RWDD3: variants seen among roughly 807,000 people sequenced by gnomAD.
RWDD3 encodes the protein RWD domain containing 3.
RWDD3 carries 30 observed loss-of-function variants against 26.5 expected under a neutral mutation model. That is an observed-to-expected ratio of 1.13 (90% CI 0.85 to 1.54). RWDD3 has a LOEUF of 1.54. Ranked by LOEUF, RWDD3 falls within the 40% of genes most tolerant of loss-of-function variation. RWDD3 has a pLI of 0.00. For synonymous variants in RWDD3, 113 were observed against 114.5 expected (o/e 0.99, Z 0.09); for missense variants, 296 against 309.1 (o/e 0.96, Z 0.32).
intron 1 of RWDD3, among the ~76,000 whole-genome samples, chr1:95,237,062 A>G (rs1680391725): frequency 2.0e-5 from 3 of 152,238 alleles, no homozygotes; most frequent in African/African-American, 7.2e-5. Context: ...CAGTGTAACA[A>G]CTTAGGACAT....
At chr1:95,244,118 T>C in intron 1 of RWDD3, 93 bp from the exon 2 acceptor site, 1 of 1,511,300 alleles carries the variant, frequency 6.6e-7, no homozygotes, top group Admixed American at 2.2e-5. Context: ...TCATGAAAAA[T>C]AAATTGACAT....
In RWDD3 at chr1:95,246,834, G is replaced by A. The variant is rs778597049; in HGVS notation, c.768G>A (p.Lys256=). The A allele has an allele frequency of 3.2e-5, 49 of 1,554,858 alleles. No individual in the cohort carries two copies. Among genetic ancestry groups the A allele is most frequent in the Non-Finnish European group, 4.2e-5 (48 of 1,154,940 alleles). ...AATTTGAAACTGCAGGACTTAAGAA[G>A]CTTTTCTCCGAATTTGTACTTGCTC... ...QKEFETAGLK[K]LFSEFVLALV... Residue 256 remains lysine (K), a synonymous_variant, in exon 4 of 4, where the codon AAG becomes AAA. Transcript: ENST00000370202.
intron 1 of RWDD3, among the ~76,000 whole-genome samples, chr1:95,236,154 C>T (rs2101094267): frequency 6.6e-6 from 1 of 152,116 alleles, no homozygotes; most frequent in South Asian, 2.1e-4. Context: ...GGCGAAACCC[C>T]ATCTCTACTA....
chr1:95,244,282 T>C lies in RWDD3; in HGVS notation c.157T>C (p.Leu53=), dbSNP rs377674682. 789 of 1,614,210 alleles carry C rather than the reference T, an allele frequency of 4.9e-4. 9 individuals carry two copies. In the South Asian group the frequency reaches 8.1e-3, roughly 17 times the overall value. ...GFMDVDIPLE[L]VFHLPVNYPS... ...TATGGATGTGGATATACCTCTGGAATTGGTGTTCCATTTGCCAGTCAATTA... is the reference window on the plus strand; with the variant it reads ...TATGGATGTGGATATACCTCTGGAACTGGTGTTCCATTTGCCAGTCAATTA... The change falls in exon 2 of 4, where the codon TTG becomes CTG. Residue 53 remains leucine (L), a synonymous_variant. Transcript: ENST00000370202.
At chr1:95,238,528 A>G (rs1045138579) in intron 1 of RWDD3, among the ~76,000 whole-genome samples, 1 of 151,106 alleles carries the variant, frequency 6.6e-6, no homozygotes, top group African/African-American at 2.4e-5. Flanking sequence ...GCAAGAGGAG[A>G]CAGTCTTGTC....
At chr1:95,234,669 G>A (rs933783297) in intron 1 of RWDD3, among the ~76,000 whole-genome samples, 1 of 143,292 alleles carries the variant, frequency 7.0e-6, no homozygotes, top group Non-Finnish European at 1.5e-5. Context: ...TCGTTGTTCT[G>A]TGTCCTTCCT....
intron 1 of RWDD3, among the ~76,000 whole-genome samples, chr1:95,243,011 ATTC>A (rs1392887008): frequency 6.6e-6 from 1 of 152,218 alleles, no homozygotes; most frequent in Non-Finnish European, 1.5e-5. Flanking sequence ...GATTTGGAAA[ATTC>A]TTCTTATGAA....
chr1:95,245,270 C>T (rs552892101), intron 2 of RWDD3, among the ~76,000 whole-genome samples: 1 of 152,292 alleles, frequency 6.6e-6, no homozygotes, highest in Admixed American at 6.5e-5. Flanking sequence ...CCTGACTTGT[C>T]TCAGCAGTTG....
intron 1 of RWDD3, among the ~76,000 whole-genome samples, chr1:95,235,742 CT>C (rs1394297798): frequency 6.6e-6 from 1 of 152,142 alleles, no homozygotes; most frequent in East Asian, 1.9e-4. Flanking sequence ...TGCCTACAGA[CT>C]TTGTCAGGGT....
chr1:95,238,259 A>G (rs887379247), intron 1 of RWDD3, among the ~76,000 whole-genome samples: 21 of 152,226 alleles, frequency 1.4e-4, no homozygotes, highest in African/African-American at 4.8e-4. Context: ...AGCAACACTA[A>G]TGTTCAAATT....
At chr1:95,244,892 G>A (rs547327223) in intron 2 of RWDD3, 194 bp downstream of exon 2, 1 of 601,824 alleles carries the variant, frequency 1.7e-6, no homozygotes, top group Non-Finnish European at 2.7e-6. Context: ...AACTTGCAAA[G>A]CTTGAAGAAT....
At chr1:95,246,133 C>G (rs574696208) in intron 2 of RWDD3, 79 of 155,150 alleles carry the variant, frequency 5.1e-4, no homozygotes, top group Non-Finnish European at 9.6e-4. Context: ...CTTGTGCTCT[C>G]AAGTGTGCCA....
chr1:95,242,212 A>G (rs192959815), intron 1 of RWDD3, among the ~76,000 whole-genome samples: 1 of 152,374 alleles, frequency 6.6e-6, no homozygotes, highest in Admixed American at 6.5e-5. Flanking sequence ...AATTATATGT[A>G]CATGTATATG....
chr1:95,241,353 A>C (rs913228026), intron 1 of RWDD3, among the ~76,000 whole-genome samples: 7 of 151,982 alleles, frequency 4.6e-5, no homozygotes, highest in African/African-American at 1.7e-4. Flanking sequence ...TTGTCCCCCA[A>C]GTTCAATGGG....
intron 1 of RWDD3, chr1:95,243,355 G>T (rs1680713111): frequency 6.6e-6 from 1 of 152,204 alleles, no homozygotes; most frequent in South Asian, 2.1e-4. Context: ...CTCATGCAGG[G>T]GAATAAAGCA....
intron 1 of RWDD3, 36 bp downstream of exon 1, chr1:95,234,351 C>T (rs770449900): frequency 5.1e-5 from 79 of 1,550,414 alleles, no homozygotes; most frequent in Non-Finnish European, 6.3e-5. Context: ...AGGGCGCCCT[C>T]AGGGGCCACC....
chr1:95,245,406 C>T (rs2101124590), intron 2 of RWDD3, among the ~76,000 whole-genome samples: 1 of 152,222 alleles, frequency 6.6e-6, no homozygotes, highest in South Asian at 2.1e-4. Flanking sequence ...AGCTACAAAT[C>T]AATAGGTTTT....
chr1:95,239,266 G>A (rs1162003882), intron 1 of RWDD3, among the ~76,000 whole-genome samples: 1 of 152,134 alleles, frequency 6.6e-6, no homozygotes, highest in Non-Finnish European at 1.5e-5. Context: ...CTGTTTCTAA[G>A]CTGTTAATAA....
At chr1:95,240,728 G>A (rs568855015) in intron 1 of RWDD3, among the ~76,000 whole-genome samples, 3 of 152,124 alleles carry the variant, frequency 2.0e-5, no homozygotes, top group South Asian at 2.1e-4. Flanking sequence ...AGAGGCAGGC[G>A]GCGAGGAGAC....
Sources: gnomAD v4.1 joint callset for allele counts (sites outside exome capture counted in the v4.1 genomes callset) on GRCh38, gnomAD v4.1.1 for gene constraint, MANE v1.5 for transcripts, NCBI Gene and HGNC (gene_info 2026-07-23, HGNC 2026-07-21) for gene names.